The following CNOT1 variants were observed in gnomAD, a reference collection of about 807,000 sequenced individuals.
The protein encoded by CNOT1 is CCR4-NOT transcription complex subunit 1, also known as CCR4-associated factor 1.
Under a neutral mutation model 273.8 loss-of-function variants are expected in CNOT1, and 15 were observed. The observed-to-expected ratio is 0.05, with a 90% CI of 0.04 to 0.08. The LOEUF (loss-of-function observed/expected upper bound fraction) is 0.08. CNOT1 is among the 10% of genes least tolerant of loss of function. The pLI, the probability that CNOT1 is intolerant of heterozygous loss-of-function variation, is 1.00. For missense variants in CNOT1, 1,644 were observed against 2,912.2 expected, an observed-to-expected ratio of 0.56 and a Z score of 10.02; for synonymous variants, 1,022 against 1,005.5, an observed-to-expected ratio of 1.02 and a Z score of -0.31.
chr16:58,566,674 T>A (rs1051498435), intron 16 of CNOT1, among the ~76,000 whole-genome samples: 3 of 152,232 alleles, frequency 2.0e-5, no homozygotes. Context: ...GGTTTCTTTT[T>A]TTTATTTTTG....
Position 58,588,898 on chromosome 16 carries a change from A to G in CNOT1, c.111T>C (p.Asn37=). 6.2e-7 allele frequency: 1 copy of G among 1,612,538 alleles called. No homozygotes were observed. Among genetic ancestry groups the G allele is most frequent in the Middle Eastern group, 1.6e-4 (1 of 6,062 alleles). The part of the protein sequence containing the change: ...ASQQEIQHIV[N]RHGPEADRHL... ...GCCTGTCTGCCTCAGGACCGTGCCG[A>G]TTCACAATCTAAAATGACCAAAAAT... The change falls in exon 3 of 49, where the codon AAT becomes AAC. Residue 37 remains asparagine (N), a synonymous_variant. Coordinates refer to ENST00000317147, the MANE Select transcript of CNOT1 (RefSeq NM_016284.5).
At chr16:58,548,747 G>C (rs2040345061) in intron 25 of CNOT1, 2 of 405,568 alleles carry the variant, frequency 4.9e-6, no homozygotes, top group Non-Finnish European at 9.7e-6. Context: ...TAAAATACTT[G>C]AATTTTGTTG....
intron 1 of CNOT1, among the ~76,000 whole-genome samples, chr16:58,613,039 G>GT (rs909932271): frequency 6.6e-6 from 1 of 151,838 alleles, no homozygotes; most frequent in Admixed American, 6.6e-5. Context: ...AGCAGTAGAG[G>GT]TTTTTTGTTT....
chr16:58,520,822 A>C lies in CNOT1; in HGVS notation c.*136T>G. 1 of 881,214 alleles carries C rather than the reference A, an allele frequency of 1.1e-6. No homozygotes were observed. Among genetic ancestry groups the C allele is most frequent in the Non-Finnish European group, 1.8e-6 (1 of 560,550 alleles). The allele number at this position is 881,214 out of a possible 1,614,324, so 54.6% of individuals were successfully genotyped here. ...CACATAAGACAGGAGGCTGATCCCA[A>C]CAGTAGTTGGGGCAGATACCCACAA... On this transcript the variant is annotated 3_prime_UTR_variant, in exon 49 of 49. Coordinates refer to ENST00000317147, the MANE Select transcript of CNOT1 (RefSeq NM_016284.5).
chr16:58,536,634 T>TC (rs2039939558), intron 39 of CNOT1, among the ~76,000 whole-genome samples: 1 of 151,964 alleles, frequency 6.6e-6, no homozygotes, highest in African/African-American at 2.4e-5. Context: ...CATTTTTTTT[T>TC]AATGTGGGCT....
intron 48 of CNOT1, 57 bp downstream of exon 48, chr16:58,521,126 G>C: frequency 6.2e-7 from 1 of 1,613,124 alleles, no homozygotes; most frequent in Non-Finnish European, 8.5e-7. Flanking sequence ...CCTAGAGACA[G>C]ATGGTTTTCA....
chr16:58,622,286 C>T (rs1196113905), intron 1 of CNOT1, among the ~76,000 whole-genome samples: 1 of 130,386 alleles, frequency 7.7e-6, no homozygotes, highest in Non-Finnish European at 1.5e-5. Context: ...TGCACTCCAG[C>T]CTGGGTGACA....
intron 1 of CNOT1, among the ~76,000 whole-genome samples, chr16:58,625,838 T>A (rs530764817): frequency 7.1e-6 from 1 of 141,318 alleles, no homozygotes; most frequent in Non-Finnish European, 1.5e-5. Context: ...AGCCTAGGCA[T>A]TGAAGTGAAA....
intron 2 of CNOT1, among the ~76,000 whole-genome samples, chr16:58,592,234 A>C (rs928627897): frequency 2.0e-5 from 3 of 152,180 alleles, no homozygotes; most frequent in Non-Finnish European, 4.4e-5. Flanking sequence ...AAATAGTTTT[A>C]GAAGAAACAG....
chr16:58,570,688 G>T (rs572862360), intron 16 of CNOT1, among the ~76,000 whole-genome samples: 1 of 152,226 alleles, frequency 6.6e-6, no homozygotes. Context: ...GGTATAATTT[G>T]CATGACAATA....
intron 16 of CNOT1, among the ~76,000 whole-genome samples, chr16:58,568,287 G>C (rs889417917): frequency 6.6e-6 from 1 of 151,848 alleles, no homozygotes; most frequent in Non-Finnish European, 1.5e-5. Context: ...AGAATCACTT[G>C]AACCCAGGAG....
At chr16:58,604,671 C>A (rs1056351952) in intron 1 of CNOT1, among the ~76,000 whole-genome samples, 6 of 150,628 alleles carry the variant, frequency 4.0e-5, no homozygotes, top group African/African-American at 1.5e-4. Context: ...GTGGTGCCTG[C>A]CTGTAATCCC....
chr16:58,629,083 G>C (rs984251367), intron 1 of CNOT1, among the ~76,000 whole-genome samples: 2 of 152,372 alleles, frequency 1.3e-5, no homozygotes, highest in African/African-American at 2.4e-5. Context: ...GCCCAGGCGC[G>C]CGAGTGGAAC....
chr16:58,546,806 T>C, intron 27 of CNOT1, 57 bp from the exon 28 acceptor site: 1 of 1,604,584 alleles, frequency 6.2e-7, no homozygotes, highest in Non-Finnish European at 8.5e-7. Flanking sequence ...ATTTGGATTA[T>C]TTAAAACAAT....
At chr16:58,588,997 A>C in intron 2 of CNOT1, 91 bp from the exon 3 acceptor site, 1 of 1,428,870 alleles carries the variant, frequency 7.0e-7, no homozygotes, top group Non-Finnish European at 9.4e-7. Flanking sequence ...CCTCCAAGGC[A>C]AAATTCCAAT....
In CNOT1 at chr16:58,626,838, T is replaced by A. The variant is rs575130644; in HGVS notation, c.-175+2890A>T. 7.9e-5 allele frequency among the ~76,000 whole-genome samples: 12 copies of A among 152,236 alleles called. No individual in the cohort carries two copies. The South Asian group carries it at 8.3e-4, about 11-fold the overall frequency. On this transcript the variant is annotated intron_variant, in intron 1 of 48. Transcript: ENST00000317147. ...ACAAATATTTTGCAAAATTTTTTTT[T>A]AATTTAATTTTCTTTTTTGTAAAGA...
intron 28 of CNOT1, 72 bp from the exon 29 acceptor site, chr16:58,546,570 T>C (rs1356385215): frequency 6.9e-6 from 11 of 1,604,350 alleles, no homozygotes; most frequent in Non-Finnish European, 9.4e-6. Flanking sequence ...TACTCTACTT[T>C]CAGTTATTAT....
chr16:58,549,775 G>A lies in CNOT1; in HGVS notation c.3466C>T (p.Leu1156=), dbSNP rs1342739172. Residue 1156 remains leucine (L), a synonymous_variant, in exon 25 of 49, where the codon CTG becomes TTG. Transcript: ENST00000317147. ...HSLYSNFLDT[L]KNPEFNKMVL... is the part of the protein sequence containing the mutation. ...ATCTTGTTAAATTCAGGATTCTTCA[G>A]CGTGTCAAGGAAGTTTGAATACAGG... 5 of 1,613,682 alleles carry A rather than the reference G, an allele frequency of 3.1e-6. No individual in the cohort carries two copies. Among genetic ancestry groups the A allele is most frequent in the Non-Finnish European group, 4.2e-6 (5 of 1,179,960 alleles).
At chr16:58,538,713 T>A (rs1218907310) in intron 36 of CNOT1, 59 bp downstream of exon 36, 2 of 1,601,172 alleles carry the variant, frequency 1.2e-6, no homozygotes, top group Non-Finnish European at 1.7e-6. Context: ...AACAGTACTA[T>A]CTATGTCAAA....
Sources: gnomAD v4.1 joint callset for allele counts (sites outside exome capture counted in the v4.1 genomes callset) on GRCh38, gnomAD v4.1.1 for gene constraint, MANE v1.5 for transcripts, NCBI Gene and HGNC (gene_info 2026-07-23, HGNC 2026-07-21) for gene names.